CD247: variants seen among roughly 807,000 people sequenced by gnomAD.
CD247 encodes the protein T-cell surface glycoprotein CD3 zeta chain.
In CD247, 13 loss-of-function variants were observed where a neutral mutation model predicts 30.0. The ratio of observed to expected loss-of-function variants is 0.43; its 90% CI spans 0.28 to 0.69. The LOEUF (loss-of-function observed/expected upper bound fraction) is 0.69. Ranked by LOEUF, CD247 falls within the 30% of genes least tolerant of loss-of-function variation. CD247 has a pLI of 0.16. For synonymous variants in CD247, 72 were observed against 80.0 expected (o/e 0.90, Z 0.53); for missense variants, 193 against 212.6 (o/e 0.91, Z 0.57).
intron 1 of CD247, among the ~76,000 whole-genome samples, chr1:167,477,678 C>A (rs1033190272): frequency 3.5e-4 from 53 of 152,134 alleles, no homozygotes; most frequent in Non-Finnish European, 5.1e-4. Flanking sequence ...TACAGGTGTG[C>A]ACCACCACTT....
At chr1:167,451,482 T>C (rs1652350573) in intron 1 of CD247, among the ~76,000 whole-genome samples, 1 of 152,132 alleles carries the variant, frequency 6.6e-6, no homozygotes, top group African/African-American at 2.4e-5. Context: ...CAGCCAAACA[T>C]AGTCATTGTC....
intron 1 of CD247, among the ~76,000 whole-genome samples, chr1:167,502,885 C>A (rs1251890646): frequency 2.0e-5 from 3 of 152,146 alleles, no homozygotes; most frequent in Non-Finnish European, 2.9e-5. Flanking sequence ...CCTGCACAGC[C>A]CTCAGAAGGA....
chr1:167,504,506 G>C (rs1389021283), intron 1 of CD247, among the ~76,000 whole-genome samples: 1 of 152,186 alleles, frequency 6.6e-6, no homozygotes. Flanking sequence ...TCACTAACAG[G>C]AAAATTACTT....
At chr1:167,489,091 CA>C (rs112881321) in intron 1 of CD247, among the ~76,000 whole-genome samples, 27,591 of 151,764 alleles carry the variant, frequency 0.18, 3,109 homozygotes, top group African/African-American at 0.34. Context: ...GGACAGCAGA[CA>C]AAAGACTAAT....
intron 1 of CD247, among the ~76,000 whole-genome samples, chr1:167,486,306 A>C (rs35407152): frequency 6.6e-6 from 1 of 152,346 alleles, no homozygotes; most frequent in East Asian, 1.9e-4. Flanking sequence ...AACTCTGGGG[A>C]AAGTGCCCTG....
chr1:167,514,799 G>A (rs1173764598), intron 1 of CD247, among the ~76,000 whole-genome samples: 2 of 152,240 alleles, frequency 1.3e-5, no homozygotes, highest in South Asian at 2.1e-4. Context: ...TGGGAGAAAC[G>A]ATTCCCAAAG....
rs958751445 is a variant in CD247, at chr1:167,433,924, C to G, written c.393+96G>C. 4.4e-6 allele frequency: 5 copies of G among 1,130,612 alleles called. No individual in the cohort carries two copies. The African/African-American group carries it at 4.6e-5, about 10-fold the overall frequency. 70.0% of individuals were successfully genotyped at this position (1,130,612 alleles called of 1,614,324 possible). The stretch of plus-strand genomic sequence containing the variant: ...ATGGCCACCACATGGGCATTTGCAG[C>G]TGGGATGAGAAGTGGATGGGAAAGG... On this transcript the variant is annotated intron_variant, in intron 6 of 7. Coordinates refer to ENST00000362089, the MANE Select transcript of CD247 (RefSeq NM_198053.3).
intron 1 of CD247, among the ~76,000 whole-genome samples, chr1:167,482,725 G>T (rs1176083816): frequency 6.6e-6 from 1 of 152,204 alleles, no homozygotes; most frequent in African/African-American, 2.4e-5. Context: ...AATATCCAAA[G>T]GGCTGTGTGC....
At chr1:167,482,808 C>T (rs1410147567) in intron 1 of CD247, among the ~76,000 whole-genome samples, 1 of 152,116 alleles carries the variant, frequency 6.6e-6, no homozygotes, top group African/African-American at 2.4e-5. Context: ...GTAGTTTATC[C>T]GGCCCAGGCT....
chr1:167,459,149 A>C (rs550491868), intron 1 of CD247, among the ~76,000 whole-genome samples: 1 of 151,708 alleles, frequency 6.6e-6, no homozygotes, highest in African/African-American at 2.4e-5. Flanking sequence ...ATTTTAAAAA[A>C]AAAAAAATCA....
intron 1 of CD247, among the ~76,000 whole-genome samples, chr1:167,464,934 A>G (rs1169434034): frequency 1.3e-5 from 2 of 152,184 alleles, no homozygotes; most frequent in African/African-American, 4.8e-5. Flanking sequence ...AACAAATAAC[A>G]ACAAAAAAAA....
At position 167,434,447 on chromosome 1, in the gene CD247, C is replaced by A. The variant is rs149495304; in HGVS notation, c.337-371G>T. 1.9e-5 allele frequency: 7 copies of A among 363,560 alleles called. No homozygotes were observed. In the East Asian group the frequency reaches 5.0e-4, roughly 26 times the overall value. The allele number at this position is 363,560 out of a possible 1,614,324, so 22.5% of individuals were successfully genotyped here. A position where few individuals can be genotyped will look rare whatever the true frequency, so the allele number is the denominator to read the frequency against. Reference sequence around the variant, plus strand: ...CTGAGCAAGTTGTCTCTTTACACAGCCAAACGGGCTGTAGATCAACCCTCC... The same window carrying A: ...CTGAGCAAGTTGTCTCTTTACACAGACAAACGGGCTGTAGATCAACCCTCC... On this transcript the variant is annotated intron_variant, in intron 5 of 7. Coordinates refer to ENST00000362089, the MANE Select transcript of CD247 (RefSeq NM_198053.3).
intron 1 of CD247, among the ~76,000 whole-genome samples, chr1:167,509,781 A>C (rs1024153903): frequency 3.3e-5 from 5 of 152,186 alleles, no homozygotes; most frequent in African/African-American, 1.2e-4. Flanking sequence ...ATCCCCATAC[A>C]TCTGGGCTTA....
At chr1:167,485,507 G>A (rs36123647) in intron 1 of CD247, among the ~76,000 whole-genome samples, 3,787 of 152,254 alleles carry the variant, frequency 0.025, 67 homozygotes, top group Middle Eastern at 0.071. Flanking sequence ...AGTCTAGGGT[G>A]TGGATTGAGG....
chr1:167,471,831 C>CTTTTTTTTTTTTTTTT (rs111891678), intron 1 of CD247, among the ~76,000 whole-genome samples: 1 of 117,188 alleles, frequency 8.5e-6, no homozygotes, highest in Non-Finnish European at 1.7e-5. Context: ...CTGTTTCTTT[C>CTTTTTTTTTTTTTTTT]TTTTTTTTTT....
At chr1:167,487,963 T>C (rs1395046625) in intron 1 of CD247, among the ~76,000 whole-genome samples, 1 of 152,198 alleles carries the variant, frequency 6.6e-6, no homozygotes, top group Non-Finnish European at 1.5e-5. Context: ...AGTATTGAAC[T>C]CATGGCCTCA....
rs1274297517 is a variant in CD247, at chr1:167,431,552, G to C, written c.*129C>G. ...AGGTTTGGAGCTAAATATAACCAAA[G>C]CATCCTGTACATAAAGGGGAATACT... On this transcript the variant is annotated 3_prime_UTR_variant, in exon 8 of 8. Coordinates refer to ENST00000362089, the MANE Select transcript of CD247 (RefSeq NM_198053.3). 12 of 832,024 alleles carry C rather than the reference G, an allele frequency of 1.4e-5. No individual in the cohort carries two copies. The highest frequency in any genetic ancestry group is 2.1e-6 in the Non-Finnish European group (1 of 469,644). The allele number at this position is 832,024 out of a possible 1,614,324, so 51.5% of individuals were successfully genotyped here.
At position 167,439,550 on chromosome 1, in the gene CD247, A is replaced by G. The variant is rs376580949; in HGVS notation, c.163-150T>C. Reference sequence around the variant, plus strand: ...CTGCCTCCTGGGGCTGAGCCCTTGCAGGGGCCGGGGCGTGGCAGCCCCTTT... The same window carrying G: ...CTGCCTCCTGGGGCTGAGCCCTTGCGGGGGCCGGGGCGTGGCAGCCCCTTT... On this transcript the variant is annotated intron_variant, in intron 2 of 7. Coordinates refer to ENST00000362089, the MANE Select transcript of CD247 (RefSeq NM_198053.3). The G allele has an allele frequency of 1.2e-4, 87 of 698,338 alleles. No individual in the cohort carries two copies. In the African/African-American group the frequency reaches 1.4e-3, roughly 11 times the overall value. The allele number at this position is 698,338 out of a possible 1,614,324, so 43.3% of individuals were successfully genotyped here.
chr1:167,499,892 C>T (rs1437279860), intron 1 of CD247, among the ~76,000 whole-genome samples: 1 of 152,214 alleles, frequency 6.6e-6, no homozygotes, highest in Non-Finnish European at 1.5e-5. Context: ...TCCCCGAGGG[C>T]TGTGGATTTT....
Sources: allele counts gnomAD v4.1 joint callset (sites outside exome capture counted in the v4.1 genomes callset), GRCh38; gene constraint gnomAD v4.1.1; transcripts MANE v1.5; gene names NCBI Gene and HGNC (gene_info 2026-07-23, HGNC 2026-07-21).